ITFG1: variants seen among roughly 807,000 people sequenced by gnomAD.
The protein encoded by ITFG1 is T-cell immunomodulatory protein.
Under a neutral mutation model 81.8 loss-of-function variants are expected in ITFG1, and 34 were observed. The ratio of observed to expected loss-of-function variants is 0.42; its 90% confidence interval spans 0.32 to 0.55. The LOEUF is 0.55. ITFG1 is among the 20% of genes least tolerant of loss of function. The pLI is 0.17. For synonymous variants in ITFG1, 285 were observed against 270.6 expected (o/e 1.05, Z -0.52); for missense variants, 672 against 755.4 (o/e 0.89, Z 1.29).
Position 47,260,633 on chromosome 16 carries a change from C to G in ITFG1, c.1133G>C (p.Arg378Pro). 6.2e-7 allele frequency: 1 copy of G among 1,614,136 alleles called. No homozygotes were observed. Among genetic ancestry groups the G allele is most frequent in the Non-Finnish European group, 8.5e-7 (1 of 1,180,006 alleles). Residue 378 changes from arginine to proline, a missense_variant, in exon 11 of 18, where the codon CGT becomes CCT. Physicochemically the swap from Arg to Pro is moderately radical, Grantham distance 103. This residue lies in a region of ITFG1 where 560 missense variants were observed against 625.7 expected (regional missense o/e 0.90). Transcript: ENST00000320640. ...PCNNASCEEA[R>P]RMFKVYWELT... ...CTCCCAGTAGACTTTAAACATTCGA[C>G]GCGCCTCTTCACAGCTTGCATTATT...
intron 8 of ITFG1, among the ~76,000 whole-genome samples, chr16:47,322,840 T>A (rs1041062095): frequency 6.6e-6 from 1 of 152,344 alleles, no homozygotes; most frequent in African/African-American, 2.4e-5. Context: ...ATATTGTTAT[T>A]AACTATAGTC....
At chr16:47,448,447 T>C (rs2151617561) in intron 5 of ITFG1, 1 of 152,290 alleles carries the variant, frequency 6.6e-6, no homozygotes, top group East Asian at 1.9e-4. Flanking sequence ...TTGCTTTCAG[T>C]GCTACTTATA....
intron 10 of ITFG1, among the ~76,000 whole-genome samples, chr16:47,264,053 G>A (rs1191222950): frequency 6.6e-6 from 1 of 151,982 alleles, no homozygotes; most frequent in African/African-American, 2.4e-5. Context: ...ATGTGTTCTT[G>A]GCAATTATAA....
At chr16:47,251,018 T>C (rs1966067817) in intron 12 of ITFG1, among the ~76,000 whole-genome samples, 1 of 152,222 alleles carries the variant, frequency 6.6e-6, no homozygotes, top group Non-Finnish European at 1.5e-5. Flanking sequence ...CTGGTGCTTC[T>C]AGTCAGTGCC....
intron 2 of ITFG1, among the ~76,000 whole-genome samples, chr16:47,454,529 T>C (rs1969428466): frequency 6.6e-6 from 1 of 152,198 alleles, no homozygotes; most frequent in Non-Finnish European, 1.5e-5. Context: ...CAGTAAGCAT[T>C]ATCACTGGGA....
At chr16:47,460,620 T>G in intron 1 of ITFG1, among the ~76,000 whole-genome samples, 1 of 151,998 alleles carries the variant, frequency 6.6e-6, no homozygotes, top group Non-Finnish European at 1.5e-5. Context: ...GTCAGGGCTT[T>G]TGAGGGTAGG....
intron 13 of ITFG1, among the ~76,000 whole-genome samples, chr16:47,237,443 T>C (rs1215796574): frequency 2.6e-5 from 4 of 152,202 alleles, no homozygotes; most frequent in Non-Finnish European, 4.4e-5. Flanking sequence ...TGCTTTTAAA[T>C]ACAATATTCT....
At chr16:47,290,557 A>G (rs536522338) in intron 10 of ITFG1, among the ~76,000 whole-genome samples, 1 of 152,248 alleles carries the variant, frequency 6.6e-6, no homozygotes, top group Non-Finnish European at 1.5e-5. Context: ...CAATCATTAT[A>G]TAATAATTAC....
intron 6 of ITFG1, among the ~76,000 whole-genome samples, chr16:47,422,877 G>A (rs1484765425): frequency 6.6e-6 from 1 of 152,108 alleles, no homozygotes; most frequent in Non-Finnish European, 1.5e-5. Context: ...GTGCGATGTG[G>A]GGCTGAGAAG....
intron 8 of ITFG1, among the ~76,000 whole-genome samples, chr16:47,315,941 C>T (rs909607524): frequency 1.3e-5 from 2 of 152,028 alleles, no homozygotes; most frequent in African/African-American, 4.8e-5. Flanking sequence ...CGGGCATCTG[C>T]CACCATGCCA....
At chr16:47,300,483 G>A (rs1231161241) in intron 10 of ITFG1, among the ~76,000 whole-genome samples, 1 of 152,172 alleles carries the variant, frequency 6.6e-6, no homozygotes, top group East Asian at 1.9e-4. Flanking sequence ...AGGTTCCTGG[G>A]CAAAGAAAGA....
At chr16:47,204,731 G>T (rs935893087) in intron 14 of ITFG1, among the ~76,000 whole-genome samples, 1 of 152,180 alleles carries the variant, frequency 6.6e-6, no homozygotes, top group African/African-American at 2.4e-5. Flanking sequence ...TGCATCAACT[G>T]CAGCAGGATG....
chr16:47,460,568 G>C (rs538346426), intron 1 of ITFG1, among the ~76,000 whole-genome samples: 2 of 152,160 alleles, frequency 1.3e-5, no homozygotes, highest in Non-Finnish European at 2.9e-5. Context: ...TAAGGTGACT[G>C]GGTGAGGGCC....
At chr16:47,161,691 G>A (rs1964808029) in intron 16 of ITFG1, 59 bp downstream of exon 16, 2 of 1,042,296 alleles carry the variant, frequency 1.9e-6, no homozygotes, top group Non-Finnish European at 3.0e-6. Context: ...AGACATCACT[G>A]TATGTATAAT....
At chr16:47,313,897 T>C in intron 8 of ITFG1, 74 bp from the exon 9 acceptor site, 2 of 780,600 alleles carry the variant, frequency 2.6e-6, no homozygotes, top group Admixed American at 2.8e-5. Context: ...TTAAATTTAC[T>C]ATTTGTTCAA....
chr16:47,277,333 GC>G (rs1308275237), intron 10 of ITFG1, among the ~76,000 whole-genome samples: 1 of 152,106 alleles, frequency 6.6e-6, no homozygotes, highest in Non-Finnish European at 1.5e-5. Context: ...TCCAGGACCA[GC>G]CCCCAGTACC....
At chr16:47,225,885 C>A (rs1056196915) in intron 13 of ITFG1, among the ~76,000 whole-genome samples, 26 of 151,780 alleles carry the variant, frequency 1.7e-4, no homozygotes, top group Admixed American at 2.6e-4. Flanking sequence ...TCTAAGTATT[C>A]TGCGAAGACG....
intron 8 of ITFG1, among the ~76,000 whole-genome samples, chr16:47,351,539 C>T (rs1967954715): frequency 2.0e-5 from 3 of 152,148 alleles, no homozygotes; most frequent in Admixed American, 1.3e-4. Context: ...GAACTACAAA[C>T]CACTGCTCAA....
chr16:47,327,537 C>A, intron 8 of ITFG1, among the ~76,000 whole-genome samples: 1 of 152,040 alleles, frequency 6.6e-6, no homozygotes, highest in Non-Finnish European at 1.5e-5. Flanking sequence ...AGTGAACAGG[C>A]AACCTACAAA....
Sources: allele counts gnomAD v4.1 joint callset (sites outside exome capture counted in the v4.1 genomes callset), GRCh38; gene constraint gnomAD v4.1.1; regional missense constraint gnomAD v4.1.1; transcripts MANE v1.5; gene names NCBI Gene and HGNC (gene_info 2026-07-23, HGNC 2026-07-21).